The following ITGA9 variants were observed in gnomAD, a reference collection of about 807,000 sequenced individuals.
ITGA9 encodes integrin alpha-9.
Under a neutral mutation model 127.8 loss-of-function variants are expected in ITGA9, and 56 were observed. The observed-to-expected ratio is 0.44, with a 90% CI of 0.35 to 0.55. The LOEUF (loss-of-function observed/expected upper bound fraction) is 0.55, where lower values mean the gene tolerates loss of function less well. Ranked by LOEUF, ITGA9 falls within the 20% of genes least tolerant of loss-of-function variation. The pLI is 0.00. For synonymous variants in ITGA9, 508 were observed against 514.5 expected, an observed-to-expected ratio of 0.99 and a Z score of 0.17; for missense variants, 1,196 against 1,347.1, an observed-to-expected ratio of 0.89 and a Z score of 1.76.
intron 27 of ITGA9, among the ~76,000 whole-genome samples, chr3:37,816,036 A>G (rs1474225708): frequency 2.0e-5 from 3 of 152,156 alleles, no homozygotes; most frequent in Non-Finnish European, 4.4e-5. Flanking sequence ...AACAGACACA[A>G]CATCTCCTCC....
chr3:37,703,181 C>T (rs1023214811), intron 18 of ITGA9, among the ~76,000 whole-genome samples: 1 of 152,186 alleles, frequency 6.6e-6, no homozygotes, highest in African/African-American at 2.4e-5. Context: ...TCCCAAATTA[C>T]TGATCTGACC....
chr3:37,681,578 G>C (rs1420729154), intron 17 of ITGA9, among the ~76,000 whole-genome samples: 1 of 152,144 alleles, frequency 6.6e-6, no homozygotes, highest in Admixed American at 6.5e-5. Flanking sequence ...AGGATGTCAG[G>C]ATGCTGAGTG....
At chr3:37,718,678 C>T (rs1275816287) in intron 18 of ITGA9, among the ~76,000 whole-genome samples, 4 of 152,162 alleles carry the variant, frequency 2.6e-5, no homozygotes, top group Non-Finnish European at 5.9e-5. Flanking sequence ...TTAACAAGCC[C>T]ACCAGAGAAT....
intron 15 of ITGA9, among the ~76,000 whole-genome samples, chr3:37,584,149 G>A (rs1699734300): frequency 6.6e-6 from 1 of 152,230 alleles, no homozygotes; most frequent in African/African-American, 2.4e-5. Context: ...TGGTTGGACA[G>A]TTCTGCTGCA....
intron 17 of ITGA9, among the ~76,000 whole-genome samples, chr3:37,667,720 GTACTTGGAGC>G (rs756414994): frequency 8.5e-5 from 13 of 152,346 alleles, no homozygotes; most frequent in Non-Finnish European, 1.8e-4. Flanking sequence ...TTTTATGTGT[GTACTTGGAGC>G]CAGAGCATTT....
chr3:37,677,281 A>G (rs905575860), intron 17 of ITGA9, among the ~76,000 whole-genome samples: 18 of 152,316 alleles, frequency 1.2e-4, no homozygotes, highest in African/African-American at 4.1e-4. Flanking sequence ...ACAGATGAGC[A>G]ATTTTGGTTT....
rs548395527 is a variant in ITGA9, at chr3:37,490,975, C to CCCCT, written c.545-3526_545-3525insCCCT. On this transcript the variant is annotated intron_variant, in intron 4 of 27. Transcript: ENST00000264741. ...GGTCTCAGATTTGGCTTCCCCCCCGCTTTTTTTTTTTTTTTTTTTGAGACC... is the reference window on the plus strand; with the variant it reads ...GGTCTCAGATTTGGCTTCCCCCCCGCCCCTTTTTTTTTTTTTTTTTTTTGAGACC... 1.7e-3 allele frequency among the ~76,000 whole-genome samples: 174 copies of CCCCT among 105,084 alleles called. 3 individuals are homozygous for CCCCT. The highest frequency in any genetic ancestry group is 2.2e-3 in the South Asian group (6 of 2,766). 68.9% of individuals were successfully genotyped at this position (105,084 alleles called of 152,430 possible). A position where few individuals can be genotyped will look rare whatever the true frequency, so the allele number is the denominator to read the frequency against.
chr3:37,537,415 G>T (rs1032166175), intron 14 of ITGA9, among the ~76,000 whole-genome samples: 2 of 152,172 alleles, frequency 1.3e-5, no homozygotes, highest in African/African-American at 4.8e-5. Flanking sequence ...AAACAAGTGA[G>T]GTTTGCAGGG....
chr3:37,806,284 G>GGTGTGT lies in ITGA9; in HGVS notation c.3009+2352_3009+2357dup, dbSNP rs891340124. The GGTGTGT allele has an allele frequency of 6.7e-6, 1 of 148,954 alleles. No homozygotes were observed. Among genetic ancestry groups the GGTGTGT allele is most frequent in the Non-Finnish European group, 1.5e-5 (1 of 67,666 alleles). The allele number at this position is 148,954 out of a possible 1,614,324, so 9.2% of individuals were successfully genotyped here. A position where few individuals can be genotyped will look rare whatever the true frequency, so the allele number is the denominator to read the frequency against. ...GGGCTTTGGTGCATGAGTGTGTGTG[G>GGTGTGT]GTGTGTGTGTGTGTGCGTGCGCGTG... On this transcript the variant is annotated intron_variant, in intron 27 of 27. Coordinates refer to ENST00000264741, the MANE Select transcript of ITGA9 (RefSeq NM_002207.3). This position sits in a 1 kb window ranked among gnomAD's most constrained non-coding sequence, Gnocchi z 4.3.
chr3:37,704,023 G>T (rs1700976249), intron 18 of ITGA9, among the ~76,000 whole-genome samples: 1 of 152,128 alleles, frequency 6.6e-6, no homozygotes, highest in South Asian at 2.1e-4. Flanking sequence ...TGACTCCAGT[G>T]TGCTCTAATG....
intron 17 of ITGA9, among the ~76,000 whole-genome samples, chr3:37,679,322 T>C (rs1700712622): frequency 6.6e-6 from 1 of 152,190 alleles, no homozygotes; most frequent in Admixed American, 6.5e-5. Context: ...CTATGCTTGA[T>C]CGTTTTACTA....
intron 13 of ITGA9, among the ~76,000 whole-genome samples, chr3:37,529,491 G>A (rs1010082528): frequency 3.3e-5 from 5 of 152,182 alleles, no homozygotes; most frequent in Non-Finnish European, 7.3e-5. Context: ...AAACAAGAAG[G>A]ACAGTGACTC....
At chr3:37,591,083 A>G (rs929288652) in intron 15 of ITGA9, among the ~76,000 whole-genome samples, 1 of 151,966 alleles carries the variant, frequency 6.6e-6, no homozygotes, top group Non-Finnish European at 1.5e-5. Context: ...GGAAACTTCC[A>G]TGCCACCCCT....
chr3:37,557,332 C>T (rs1699440553), intron 15 of ITGA9, among the ~76,000 whole-genome samples: 1 of 152,218 alleles, frequency 6.6e-6, no homozygotes, highest in East Asian at 1.9e-4. Flanking sequence ...TTGGTGACTT[C>T]TGTTTTGCAG....
At chr3:37,769,636 TC>T (rs912600600) in intron 23 of ITGA9, among the ~76,000 whole-genome samples, 3 of 152,160 alleles carry the variant, frequency 2.0e-5, no homozygotes, top group African/African-American at 4.8e-5. Context: ...CTCTCTAGAC[TC>T]CAGTCTCAAG....
At chr3:37,477,922 T>C (rs1698510927) in intron 3 of ITGA9, among the ~76,000 whole-genome samples, 2 of 152,212 alleles carry the variant, frequency 1.3e-5, no homozygotes, top group Non-Finnish European at 2.9e-5. Context: ...CATTTTTTTT[T>C]TTCAAAGCCA....
chr3:37,516,535 T>C lies in ITGA9; in HGVS notation c.1036-969T>C, dbSNP rs147995633. 4.7e-3 allele frequency among the ~76,000 whole-genome samples: 711 copies of C among 152,304 alleles called. 31 individuals are homozygous for C. Among genetic ancestry groups the C allele is most frequent in the Admixed American group, 0.045 (686 of 15,300 alleles). On this transcript the variant is annotated intron_variant, in intron 9 of 27. Coordinates refer to ENST00000264741, the MANE Select transcript of ITGA9 (RefSeq NM_002207.3). ...GAGCAATCAGTTGCTGGTGTTCCTCTCCTCTTCCCCACTACACTGAAAGAA... is the reference window on the plus strand; with the variant it reads ...GAGCAATCAGTTGCTGGTGTTCCTCCCCTCTTCCCCACTACACTGAAAGAA...
At chr3:37,555,319 A>C (rs1355030980) in intron 15 of ITGA9, among the ~76,000 whole-genome samples, 1 of 152,172 alleles carries the variant, frequency 6.6e-6, no homozygotes, top group Admixed American at 6.5e-5. Flanking sequence ...GCTCTCCAGC[A>C]GAACTTTCTG....
intron 27 of ITGA9, among the ~76,000 whole-genome samples, chr3:37,817,873 C>T (rs1263497884): frequency 1.3e-5 from 2 of 152,102 alleles, no homozygotes; most frequent in East Asian, 3.9e-4. Flanking sequence ...GAGGAAATTG[C>T]CATCCTGGGT....
Sources: allele counts gnomAD v4.1 joint callset (sites outside exome capture counted in the v4.1 genomes callset), GRCh38; gene constraint gnomAD v4.1.1; non-coding constraint Gnocchi (gnomAD v3.1); transcripts MANE v1.5; gene names NCBI Gene and HGNC (gene_info 2026-07-23, HGNC 2026-07-21).